Variants in MINDY2 observed in about 807,000 individuals in gnomAD.
The protein encoded by MINDY2 is ubiquitin carboxyl-terminal hydrolase MINDY-2.
Under a neutral mutation model 68.2 loss-of-function variants are expected in MINDY2, and 52 were observed. That is an observed-to-expected ratio of 0.76 (90% CI 0.61 to 0.96). The LOEUF (loss-of-function observed/expected upper bound fraction) is 0.96. Among genes scored for constraint, MINDY2 ranks in the 40% least tolerant of loss-of-function variants. The pLI is 0.00. For missense variants in MINDY2, 881 were observed against 773.4 expected, an observed-to-expected ratio of 1.14 and a Z score of -1.65; for synonymous variants, 372 against 303.0, an observed-to-expected ratio of 1.23 and a Z score of -2.36.
At chr15:58,829,758 T>C (rs774992890) in intron 5 of MINDY2, among the ~76,000 whole-genome samples, 11 of 152,226 alleles carry the variant, frequency 7.2e-5, no homozygotes, top group Non-Finnish European at 1.6e-4. Flanking sequence ...TAGACCTCTT[T>C]ATAGTTTTTG....
intron 7 of MINDY2, among the ~76,000 whole-genome samples, chr15:58,850,146 CT>C (rs1159284252): frequency 9.2e-5 from 14 of 152,114 alleles, no homozygotes; most frequent in Non-Finnish European, 2.9e-5. Flanking sequence ...AACACCGACT[CT>C]TAATAAAGTG....
At chr15:58,825,954 A>G (rs1265201734) in intron 5 of MINDY2, among the ~76,000 whole-genome samples, 2 of 152,130 alleles carry the variant, frequency 1.3e-5, no homozygotes, top group Non-Finnish European at 2.9e-5. Context: ...TATGCTTATA[A>G]AAATATTTCT....
intron 1 of MINDY2, among the ~76,000 whole-genome samples, chr15:58,777,579 G>A (rs1284392316): frequency 6.6e-6 from 1 of 151,976 alleles, no homozygotes; most frequent in Non-Finnish European, 1.5e-5. Context: ...TTTGAGACCA[G>A]CCTGGTCAAC....
At chr15:58,844,919 TAAAAAAAAAAAA>T (rs35379834) in intron 6 of MINDY2, among the ~76,000 whole-genome samples, 3 of 67,856 alleles carry the variant, frequency 4.4e-5, no homozygotes, top group Admixed American at 2.0e-4. Flanking sequence ...AGACCCTGCC[TAAAAAAAAAAAA>T]AAAAAAAAAA....
chr15:58,848,724 C>G (rs1202980797), intron 7 of MINDY2, among the ~76,000 whole-genome samples: 4 of 151,994 alleles, frequency 2.6e-5, no homozygotes, highest in African/African-American at 9.7e-5. Context: ...CCAGCCTGGG[C>G]AACAGAGCGA....
At chr15:58,778,098 T>C (rs1004914001) in intron 1 of MINDY2, among the ~76,000 whole-genome samples, 4 of 152,194 alleles carry the variant, frequency 2.6e-5, no homozygotes, top group Non-Finnish European at 4.4e-5. Context: ...TCTTTAGTAA[T>C]AGAGGGAATC....
chr15:58,801,034 C>CG (rs1283453820), intron 2 of MINDY2, among the ~76,000 whole-genome samples: 7 of 151,894 alleles, frequency 4.6e-5, no homozygotes, highest in African/African-American at 1.7e-4. Context: ...AGTACAGTGG[C>CG]GTGATCTTGG....
intron 1 of MINDY2, among the ~76,000 whole-genome samples, chr15:58,780,471 C>A (rs1437150759): frequency 2.0e-5 from 3 of 151,880 alleles, no homozygotes; most frequent in African/African-American, 4.8e-5. Flanking sequence ...AGATTATCAC[C>A]CACTCTAGAA....
rs1452903136 is a variant in MINDY2 at position 58,779,685 on chromosome 15, T to C, written c.840+7450T>C. Among the ~76,000 whole-genome samples the C allele has an allele frequency of 7.2e-5, 11 of 152,336 alleles. No homozygotes were observed. The South Asian group carries it at 1.7e-3, about 23-fold the overall frequency. ...GTGGGGTTTTGTTTACACAAAAGAC[T>C]TAAGTAACATTTTCTGAGGCTTTCA... is the stretch of plus-strand genomic sequence containing the variant. On this transcript the variant is annotated intron_variant, in intron 1 of 8. Transcript: ENST00000559228.
In MINDY2 at chr15:58,771,594, G is replaced by A; in HGVS notation, c.199G>A (p.Ala67Thr). ...AAARRSLPDS[A>T]SPAGSPEVPG... ...CGCCAGGAGGAGCCTCCCGGACTCG[G>A]CTTCTCCCGCGGGCTCTCCTGAGGT... The change falls in exon 1 of 9, where the codon GCT (alanine) becomes ACT (threonine). Residue 67 changes from alanine to threonine, a missense_variant. Transcript: ENST00000559228. 1 of 1,611,752 alleles carries A rather than the reference G, an allele frequency of 6.2e-7. No individual in the cohort carries two copies. Among genetic ancestry groups the A allele is most frequent in the Non-Finnish European group, 8.5e-7 (1 of 1,179,690 alleles).
At chr15:58,838,169 A>G (rs1245722406) in intron 6 of MINDY2, among the ~76,000 whole-genome samples, 3 of 151,826 alleles carry the variant, frequency 2.0e-5, no homozygotes, top group Non-Finnish European at 4.4e-5. Flanking sequence ...AGGCCAAGGC[A>G]GGTGGATCAC....
At position 58,855,138 on chromosome 15, in the gene MINDY2, C is replaced by G. The variant is rs533525028; in HGVS notation, c.*528C>G. On this transcript the variant is annotated 3_prime_UTR_variant, in exon 9 of 9. Transcript: ENST00000559228. Reference sequence around the variant, plus strand: ...AAATAACCCTTAATTGTATATTGGACTAGTTCAGCCCTTAAACAGCTTTAC... The same window carrying G: ...AAATAACCCTTAATTGTATATTGGAGTAGTTCAGCCCTTAAACAGCTTTAC... 1 of 152,894 alleles carries G rather than the reference C, an allele frequency of 6.5e-6. No homozygotes were observed. The highest frequency in any genetic ancestry group is 2.1e-4 in the South Asian group (1 of 4,838). The allele number at this position is 152,894 out of a possible 1,614,324, so 9.5% of individuals were successfully genotyped here. A position where few individuals can be genotyped will look rare whatever the true frequency, so the allele number is the denominator to read the frequency against.
rs188804820 is a variant in MINDY2, at chr15:58,828,803, C to T, written c.1226-2971C>T. Among the ~76,000 whole-genome samples the T allele has an allele frequency of 2.6e-5, 4 of 151,890 alleles. No homozygotes were observed. In the East Asian group the frequency reaches 7.7e-4, roughly 29 times the overall value. On this transcript the variant is annotated intron_variant, in intron 5 of 8. Coordinates refer to ENST00000559228, the MANE Select transcript of MINDY2 (RefSeq NM_001040450.3). Reference sequence around the variant, plus strand: ...GTCTCGATCTCCTGACCTCATGATCCGCCCGCCTTCCAAAGTGCTGGGATT... The same window carrying T: ...GTCTCGATCTCCTGACCTCATGATCTGCCCGCCTTCCAAAGTGCTGGGATT...
At chr15:58,828,810 C>T (rs559624076) in intron 5 of MINDY2, among the ~76,000 whole-genome samples, 22 of 152,046 alleles carry the variant, frequency 1.4e-4, no homozygotes, top group African/African-American at 4.3e-4. Flanking sequence ...ATCCGCCCGC[C>T]TTCCAAAGTG....
chr15:58,810,220 C>G lies in MINDY2; in HGVS notation c.964-10C>G, dbSNP rs1232906401. 1.3e-6 allele frequency: 2 copies of G among 1,588,548 alleles called. No individual in the cohort carries two copies. Among genetic ancestry groups the G allele is most frequent in the African/African-American group, 2.7e-5 (2 of 73,846 alleles). On this transcript the variant is annotated splice_polypyrimidine_tract_variant and intron_variant, in intron 3 of 8. Coordinates refer to ENST00000559228, the MANE Select transcript of MINDY2 (RefSeq NM_001040450.3). Reference sequence around the variant, plus strand: ...TTCTGAATTAGAACTTTCCCCTTTTCTATTTTCAGAATATGAGTGATGCCA... The same window carrying G: ...TTCTGAATTAGAACTTTCCCCTTTTGTATTTTCAGAATATGAGTGATGCCA...
intron 2 of MINDY2, among the ~76,000 whole-genome samples, chr15:58,791,404 C>T (rs1268026077): frequency 1.3e-5 from 2 of 151,094 alleles, no homozygotes; most frequent in Non-Finnish European, 3.0e-5. Context: ...GTCTTGAGCC[C>T]AGGAGTTTGA....
rs1269000468 is a variant in MINDY2 at position 58,860,031 on chromosome 15, C to CT, written c.*5424dup. ...CCATGGCAGAAATATAAAACCTAAG[C>CT]TTTGAACCCCAGTAGACTTCTTCTT... On this transcript the variant is annotated 3_prime_UTR_variant, in exon 9 of 9. Coordinates refer to ENST00000559228, the MANE Select transcript of MINDY2 (RefSeq NM_001040450.3). 6.6e-6 allele frequency: 1 copy of CT among 152,126 alleles called. No homozygotes were observed. Among genetic ancestry groups the CT allele is most frequent in the Non-Finnish European group, 1.5e-5 (1 of 68,024 alleles). 9.4% of individuals were successfully genotyped at this position (152,126 alleles called of 1,614,324 possible).
At chr15:58,828,889 T>C (rs2031565894) in intron 5 of MINDY2, among the ~76,000 whole-genome samples, 1 of 152,166 alleles carries the variant, frequency 6.6e-6, no homozygotes, top group African/African-American at 2.4e-5. Flanking sequence ...TTTTCAAATA[T>C]AGTAATCTTC....
At chr15:58,793,984 C>T (rs746319749) in intron 2 of MINDY2, among the ~76,000 whole-genome samples, 10 of 152,086 alleles carry the variant, frequency 6.6e-5, no homozygotes, top group East Asian at 1.9e-4. Flanking sequence ...TTCAGCTGCA[C>T]GAGTCCAGGC....
Sources: gnomAD v4.1 joint callset for allele counts (sites outside exome capture counted in the v4.1 genomes callset) on GRCh38, gnomAD v4.1.1 for gene constraint, MANE v1.5 for transcripts, NCBI Gene and HGNC (gene_info 2026-07-23, HGNC 2026-07-21) for gene names.